Variants in TDRD12 observed in about 807,000 individuals in gnomAD.
TDRD12 encodes the protein tudor domain containing 12.
In TDRD12, 158 loss-of-function variants were observed where a neutral mutation model predicts 133.5. That is an observed-to-expected ratio of 1.18 (90% CI 1.04 to 1.35). TDRD12 has a LOEUF of 1.35. Among genes scored for constraint, TDRD12 ranks in the 40% most tolerant of loss-of-function variants. The probability of loss-of-function intolerance (pLI) is 0.00; values close to 1 mark genes in which losing one functional copy is unlikely to be tolerated. For synonymous variants in TDRD12, 460 were observed against 477.9 expected, an observed-to-expected ratio of 0.96 and a Z score of 0.49; for missense variants, 1,443 against 1,321.3, an observed-to-expected ratio of 1.09 and a Z score of -1.43.
At chr19:32,739,518 C>T (rs867731032) in intron 3 of TDRD12, among the ~76,000 whole-genome samples, 3 of 147,458 alleles carry the variant, frequency 2.0e-5, no homozygotes, top group Non-Finnish European at 3.0e-5. Context: ...TGGCTGCTCT[C>T]TGCATCTCCT....
exon 10 of TDRD12, chr19:32,773,467 C>T: frequency 6.4e-7 from 1 of 1,551,706 alleles, no homozygotes; most frequent in Admixed American, 2.0e-5. Flanking sequence ...GTGTTGAATC[C>T]TCAGTGTACT....
chr19:32,738,566 A>T (rs1394885842), intron 2 of TDRD12, among the ~76,000 whole-genome samples: 1 of 152,246 alleles, frequency 6.6e-6, no homozygotes, highest in Non-Finnish European at 1.5e-5. Context: ...CTGTAATCCC[A>T]GCACTTTGGG....
intron 1 of TDRD12, among the ~76,000 whole-genome samples, chr19:32,721,752 G>C (rs533588498): frequency 5.4e-4 from 78 of 145,688 alleles, no homozygotes; most frequent in Non-Finnish European, 8.4e-4. Context: ...CAGTCACCCA[G>C]GCTGGAGTGC....
chr19:32,792,283 A>G (rs1374832551), intron 13 of TDRD12, among the ~76,000 whole-genome samples: 1 of 152,108 alleles, frequency 6.6e-6, no homozygotes, highest in Non-Finnish European at 1.5e-5. Flanking sequence ...CAAGGAAACA[A>G]ACAATGCAGT....
intron 26 of TDRD12, among the ~76,000 whole-genome samples, chr19:32,817,034 G>T (rs962325167): frequency 2.0e-5 from 3 of 152,174 alleles, no homozygotes; most frequent in African/African-American, 7.2e-5. Flanking sequence ...GGATGAGAGT[G>T]GCAGGGCTTC....
chr19:32,796,984 T>TTTC (rs1241384899), intron 14 of TDRD12, among the ~76,000 whole-genome samples: 1 of 146,344 alleles, frequency 6.8e-6, no homozygotes, highest in Non-Finnish European at 1.5e-5. Context: ...GGTTCGTCTT[T>TTTC]TTTTTTTTTT....
chr19:32,818,314 C>T (rs1192125147), intron 27 of TDRD12, among the ~76,000 whole-genome samples, 157 bp downstream of exon 27: 1 of 152,142 alleles, frequency 6.6e-6, no homozygotes, highest in Non-Finnish European at 1.5e-5. Context: ...GTACTCAGAG[C>T]GGAGCAGAAC....
At chr19:32,810,013 T>G in intron 22 of TDRD12, 80 bp from the exon 23 acceptor site, 1 of 905,954 alleles carries the variant, frequency 1.1e-6, no homozygotes, top group Non-Finnish European at 1.5e-6. Flanking sequence ...GGGTACTGAT[T>G]TCTGCAGATA....
intron 14 of TDRD12, among the ~76,000 whole-genome samples, chr19:32,795,560 C>T (rs549668326): frequency 2.6e-5 from 4 of 152,184 alleles, no homozygotes; most frequent in South Asian, 2.1e-4. Flanking sequence ...TGCCTTGTCC[C>T]GTGCTCTGCC....
At position 32,723,399 on chromosome 19, in the gene TDRD12, C is replaced by T. The variant is rs374771990; in HGVS notation, c.24+3303C>T. Among the ~76,000 whole-genome samples the T allele has an allele frequency of 5.4e-4, 82 of 151,816 alleles. 3 individuals are homozygous for T. In the South Asian group the frequency reaches 0.015, roughly 28 times the overall value. The stretch of plus-strand genomic sequence containing the variant: ...CCAAGTAGCTGGGACTACAGGTGCC[C>T]GCCACCATGCCCGGCTAATTTTTTT... On this transcript the variant is annotated intron_variant, in intron 1 of 27. Transcript: ENST00000444215.
downstream of TDRD12, among the ~76,000 whole-genome samples, chr19:32,824,847 C>T (rs770568874): frequency 6.6e-6 from 1 of 151,738 alleles, no homozygotes; most frequent in Non-Finnish European, 1.5e-5. Context: ...ATTTGTGTTT[C>T]CCGGGGCACA....
At chr19:32,735,455 T>C (rs955660737) in intron 2 of TDRD12, among the ~76,000 whole-genome samples, 14 of 152,050 alleles carry the variant, frequency 9.2e-5, no homozygotes, top group African/African-American at 3.4e-4. Context: ...AGGGAAAAAA[T>C]GTGAAGCTAG....
chr19:32,733,855 C>A (rs1191033872), intron 2 of TDRD12, among the ~76,000 whole-genome samples: 3 of 150,878 alleles, frequency 2.0e-5, no homozygotes, highest in Non-Finnish European at 1.5e-5. Flanking sequence ...TAACACTGTT[C>A]CTTTTTTAAA....
intron 1 of TDRD12, among the ~76,000 whole-genome samples, chr19:32,722,941 A>G (rs1968734134): frequency 6.6e-6 from 1 of 152,090 alleles, no homozygotes; most frequent in Non-Finnish European, 1.5e-5. Context: ...CGGCCTCCCA[A>G]ACTGCTGGGA....
chr19:32,746,986 G>A (rs1371287293), intron 4 of TDRD12, among the ~76,000 whole-genome samples: 1 of 140,732 alleles, frequency 7.1e-6, no homozygotes. Context: ...TTCTGTGAGA[G>A]AGAGGAGGGG....
chr19:32,780,763 TTAA>T lies in TDRD12; in HGVS notation c.1121+3539_1121+3541del, dbSNP rs201737650. ...ACATAGCCTTTTGGTTTACCTGAAGTTAATAATTATCTTGTTTTTTTCTTTCCT... is the reference window on the plus strand; with the variant it reads ...ACATAGCCTTTTGGTTTACCTGAAGTTAATTATCTTGTTTTTTTCTTTCCT... On this transcript the variant is annotated intron_variant, in intron 11 of 27. Coordinates refer to ENST00000444215, the Ensembl canonical transcript of TDRD12. 4.7e-5 allele frequency among the ~76,000 whole-genome samples: 7 copies of T among 150,470 alleles called. No homozygotes were observed. The East Asian group carries it at 1.4e-3, about 30-fold the overall frequency.
chr19:32,800,579 T>C, intron 17 of TDRD12, 65 bp from the exon 18 acceptor site: 1 of 1,379,066 alleles, frequency 7.3e-7, no homozygotes, highest in Non-Finnish European at 9.6e-7. Context: ...CCAACACCTG[T>C]GGAAAGTGGA....
At chr19:32,747,978 G>T (rs933706429) in intron 4 of TDRD12, among the ~76,000 whole-genome samples, 1 of 152,164 alleles carries the variant, frequency 6.6e-6, no homozygotes, top group African/African-American at 2.4e-5. Context: ...TCATGCCACT[G>T]CACTCCAGCC....
chr19:32,826,858 C>A, intron 9 of TDRD12, 109 bp downstream of exon 32: 3 of 673,488 alleles, frequency 4.5e-6, no homozygotes, highest in Non-Finnish European at 6.3e-6. Context: ...CCGTTCATGT[C>A]AAGCCCTGAG....
Sources: allele counts gnomAD v4.1 joint callset (sites outside exome capture counted in the v4.1 genomes callset), GRCh38; gene constraint gnomAD v4.1.1; transcripts MANE v1.5; gene names NCBI Gene and HGNC (gene_info 2026-07-23, HGNC 2026-07-21).